Variants in NBEA observed in about 807,000 individuals in gnomAD.
NBEA encodes the protein lysosomal-trafficking regulator 2.
In NBEA, 44 loss-of-function variants were observed where a neutral mutation model predicts 343.4. The observed-to-expected ratio is 0.13, with a 90% confidence interval of 0.10 to 0.16. The LOEUF (loss-of-function observed/expected upper bound fraction) is 0.16. Ranked by LOEUF, NBEA falls within the 10% of genes least tolerant of loss-of-function variation. The probability of loss-of-function intolerance (pLI) is 1.00; values close to 1 mark genes in which losing one functional copy is unlikely to be tolerated. For missense variants in NBEA, 2,555 were observed against 3,631.3 expected, an observed-to-expected ratio of 0.70 and a Z score of 7.62; for synonymous variants, 1,175 against 1,238.7, an observed-to-expected ratio of 0.95 and a Z score of 1.08.
At chr13:35,659,624 T>G (rs2084974999) in intron 55 of NBEA, among the ~76,000 whole-genome samples, 1 of 152,210 alleles carries the variant, frequency 6.6e-6, no homozygotes, top group African/African-American at 2.4e-5. Flanking sequence ...AATGAATATT[T>G]GTAAGCAGAC....
intron 23 of NBEA, among the ~76,000 whole-genome samples, chr13:35,163,015 A>G (rs1320231773): frequency 6.6e-6 from 1 of 152,150 alleles, no homozygotes; most frequent in Non-Finnish European, 1.5e-5. Context: ...AATACCATGA[A>G]ATACATTGCT....
chr13:35,079,927 T>C (rs1314436927), intron 10 of NBEA, among the ~76,000 whole-genome samples: 1 of 152,176 alleles, frequency 6.6e-6, no homozygotes, highest in Admixed American at 6.6e-5. Context: ...TGTCAAGACA[T>C]ACTGCATGGC....
At chr13:35,550,444 G>A in intron 41 of NBEA, 33 bp from the exon 42 acceptor site, 1 of 1,262,928 alleles carries the variant, frequency 7.9e-7, no homozygotes, top group Non-Finnish European at 1.1e-6. Context: ...ATATTTTATT[G>A]ATTGACACTT....
intron 38 of NBEA, among the ~76,000 whole-genome samples, chr13:35,417,528 C>T (rs559805598): frequency 2.6e-5 from 4 of 152,200 alleles, no homozygotes; most frequent in Admixed American, 1.3e-4. Context: ...TGTTCAGTTT[C>T]GTGTAGTTGA....
chr13:35,111,021 A>T (rs778293899), intron 13 of NBEA, 43 bp downstream of exon 13: 2 of 1,492,572 alleles, frequency 1.3e-6, no homozygotes, highest in Non-Finnish European at 1.8e-6. Flanking sequence ...GCCTATGATT[A>T]TTCTGTATTC....
chr13:35,379,273 A>G (rs1336077192), intron 38 of NBEA, among the ~76,000 whole-genome samples: 1 of 152,088 alleles, frequency 6.6e-6, no homozygotes, highest in Non-Finnish European at 1.5e-5. Context: ...AGTATGATGT[A>G]TTGCCTTATA....
chr13:35,451,793 C>G (rs567967514), intron 39 of NBEA, among the ~76,000 whole-genome samples: 6 of 152,098 alleles, frequency 3.9e-5, no homozygotes, highest in Non-Finnish European at 8.8e-5. Context: ...TCTTCGAGTC[C>G]TTAGACATGG....
intron 44 of NBEA, among the ~76,000 whole-genome samples, chr13:35,564,139 G>T (rs2080021666): frequency 6.6e-6 from 1 of 151,826 alleles, no homozygotes; most frequent in Non-Finnish European, 1.5e-5. Context: ...TGTTTGCATT[G>T]ACACAGTACA....
intron 10 of NBEA, among the ~76,000 whole-genome samples, chr13:35,074,548 G>A (rs1041077705): frequency 6.6e-6 from 1 of 152,064 alleles, no homozygotes; most frequent in Non-Finnish European, 1.5e-5. Context: ...GTGTTCTTTT[G>A]GTGGAAGACA....
At chr13:35,397,507 G>A (rs1006844535) in intron 38 of NBEA, among the ~76,000 whole-genome samples, 2 of 152,176 alleles carry the variant, frequency 1.3e-5, no homozygotes, top group African/African-American at 4.8e-5. Flanking sequence ...TAAACTCCAT[G>A]AGGGCAGAGA....
chr13:35,367,995 C>G (rs546364532), intron 38 of NBEA, among the ~76,000 whole-genome samples: 6 of 151,472 alleles, frequency 4.0e-5, no homozygotes. Flanking sequence ...AAATTTTCAC[C>G]TTTCATTAAA....
intron 38 of NBEA, among the ~76,000 whole-genome samples, chr13:35,427,902 C>CGA (rs1422638824): frequency 6.6e-6 from 1 of 152,172 alleles, no homozygotes; most frequent in African/African-American, 2.4e-5. Flanking sequence ...TAGCAATGAG[C>CGA]GAGACTCTAT....
intron 30 of NBEA, among the ~76,000 whole-genome samples, chr13:35,188,157 T>C (rs564943574): frequency 1.3e-5 from 2 of 151,478 alleles, no homozygotes; most frequent in South Asian, 2.2e-4. Flanking sequence ...TTAGTTTATG[T>C]ATTTATGGTG....
At chr13:35,496,226 C>G (rs2076669627) in intron 41 of NBEA, among the ~76,000 whole-genome samples, 1 of 151,914 alleles carries the variant, frequency 6.6e-6, no homozygotes, top group Admixed American at 6.6e-5. Flanking sequence ...TTTAAGGGAT[C>G]CTCCCACCTC....
At chr13:35,350,440 A>T (rs2040129995) in intron 37 of NBEA, among the ~76,000 whole-genome samples, 1 of 151,996 alleles carries the variant, frequency 6.6e-6, no homozygotes, top group Admixed American at 6.6e-5. Context: ...GTACTTACAT[A>T]CATTTGTGTT....
chr13:35,110,052 A>ATTTTTTTTTTTTTTTTTTTTTTTTT (rs1566299499), intron 12 of NBEA, among the ~76,000 whole-genome samples: 16 of 89,244 alleles, frequency 1.8e-4, no homozygotes, highest in South Asian at 7.4e-4. Flanking sequence ...TTTTTTTTTT[A>ATTTTTTTTTTTTTTTTTTTTTTTTT]AATGTTTTTT....
chr13:35,576,444 T>C lies in NBEA; in HGVS notation c.7036-7454T>C, dbSNP rs180714287. On this transcript the variant is annotated intron_variant, in intron 45 of 58. Coordinates refer to ENST00000379939, the MANE Select transcript of NBEA (RefSeq NM_001385012.1). ...TAATAGAAATTTATATTTGGAAATA[T>C]TTGGTCAATAACACTAGCCAAAATA... Among the ~76,000 whole-genome samples the C allele has an allele frequency of 3.4e-3, 515 of 152,240 alleles. 7 individuals carry two copies. Among genetic ancestry groups the C allele is most frequent in the Admixed American group, 7.2e-3 (110 of 15,278 alleles).
chr13:34,958,285 T>C (rs1333589494), intron 1 of NBEA, among the ~76,000 whole-genome samples: 4 of 152,110 alleles, frequency 2.6e-5, no homozygotes, highest in Non-Finnish European at 1.5e-5. Flanking sequence ...GGAGACAAAT[T>C]CATATTTTAC....
chr13:35,232,440 G>A, intron 33 of NBEA, 52 bp from the exon 34 acceptor site: 1 of 1,191,902 alleles, frequency 8.4e-7, no homozygotes. Flanking sequence ...AAGTTTATTT[G>A]ACATTTTATA....
Sources: gnomAD v4.1 joint callset for allele counts (sites outside exome capture counted in the v4.1 genomes callset) on GRCh38, gnomAD v4.1.1 for gene constraint, MANE v1.5 for transcripts, NCBI Gene and HGNC (gene_info 2026-07-23, HGNC 2026-07-21) for gene names.